The following ST7L variants were observed in gnomAD, a reference collection of about 807,000 sequenced individuals.
The protein encoded by ST7L is suppressor of tumorigenicity 7 protein-like.
A neutral mutation model predicts 72.5 loss-of-function variants in ST7L; 57 were observed. The observed-to-expected ratio is 0.79, with a 90% CI of 0.64 to 0.98. The LOEUF is 0.98. ST7L is among the 50% of genes least tolerant of loss of function. ST7L has a pLI of 0.00. For missense variants in ST7L, 576 were observed against 672.2 expected (o/e 0.86, Z 1.58); for synonymous variants, 221 against 240.9 (o/e 0.92, Z 0.77).
intron 6 of ST7L, among the ~76,000 whole-genome samples, chr1:112,585,367 A>C (rs1664711278): frequency 6.6e-6 from 1 of 152,268 alleles, no homozygotes; most frequent in African/African-American, 2.4e-5. Flanking sequence ...GTAAAAATGC[A>C]CAACGAATTT....
intron 9 of ST7L, among the ~76,000 whole-genome samples, chr1:112,579,382 A>T (rs1272527087): frequency 6.8e-3 from 6 of 888 alleles, no homozygotes; most frequent in Middle Eastern, 0.2. Flanking sequence ...AGACTCTGTA[A>T]AAAAAAAAAA....
At chr1:112,592,271 A>G (rs1430837932) in intron 5 of ST7L, among the ~76,000 whole-genome samples, 1 of 152,224 alleles carries the variant, frequency 6.6e-6, no homozygotes, top group Admixed American at 6.5e-5. Context: ...CAAATAAAGT[A>G]GACTCAGAAG....
intron 13 of ST7L, among the ~76,000 whole-genome samples, chr1:112,547,193 C>CTTTTTTTT (rs759140130): frequency 7.3e-6 from 1 of 137,524 alleles, no homozygotes. Context: ...TTCTTTCTTT[C>CTTTTTTTT]TTTTTTTTTT....
At position 112,616,831 on chromosome 1, in the gene ST7L, C is replaced by A. The variant is rs1396075393; in HGVS notation, c.270G>T (p.Leu90Phe). 2.5e-6 allele frequency: 4 copies of A among 1,603,138 alleles called. No homozygotes were observed. Among genetic ancestry groups the A allele is most frequent in the South Asian group, 1.1e-5 (1 of 88,870 alleles). ...FYVALTGTSS[L>F]ISGLIFIFEW... ...TACTTACAAATATTAGTCCTGATAT[C>A]AATGAAGAGGTCCCTGTAAGTGCCA... Residue 90 changes from leucine to phenylalanine, a missense_variant, in exon 2 of 15, where the codon TTG becomes TTT. This residue lies in a region of ST7L where 511 missense variants were observed against 600.7 expected (regional missense o/e 0.85). Transcript: ENST00000358039.
intron 3 of ST7L, among the ~76,000 whole-genome samples, chr1:112,609,185 T>A (rs1391286901): frequency 1.3e-5 from 2 of 151,728 alleles, no homozygotes; most frequent in Non-Finnish European, 2.9e-5. Context: ...TAATAATAAT[T>A]GTATTTGGCT....
At chr1:112,602,152 T>C (rs1667522268) in intron 3 of ST7L, among the ~76,000 whole-genome samples, 1 of 151,806 alleles carries the variant, frequency 6.6e-6, no homozygotes, top group African/African-American at 2.4e-5. Context: ...GACCGTTATG[T>C]ACTACAGTAA....
At chr1:112,572,141 C>A (rs1463812360) in intron 11 of ST7L, among the ~76,000 whole-genome samples, 2 of 152,192 alleles carry the variant, frequency 1.3e-5, no homozygotes, top group Non-Finnish European at 2.9e-5. Flanking sequence ...CAGTAGGTCT[C>A]AACAGTGGGC....
chr1:112,579,133 C>T (rs1415559373), intron 9 of ST7L, among the ~76,000 whole-genome samples: 1 of 151,984 alleles, frequency 6.6e-6, no homozygotes, highest in African/African-American at 2.4e-5. Flanking sequence ...GCCTGTAATC[C>T]CAGCACTTTG....
upstream of ST7L, chr1:112,619,331 T>C: frequency 3.3e-6 from 2 of 604,442 alleles, no homozygotes; most frequent in Non-Finnish European, 5.9e-6. Flanking sequence ...GCAGCGCCTA[T>C]TCTGGAGGAA....
intron 3 of ST7L, among the ~76,000 whole-genome samples, chr1:112,608,312 C>T (rs1292046069): frequency 2.0e-5 from 3 of 152,160 alleles, no homozygotes; most frequent in African/African-American, 7.2e-5. Flanking sequence ...GGCCACTGTG[C>T]CCAGCTTTTA....
intron 13 of ST7L, among the ~76,000 whole-genome samples, chr1:112,549,135 G>A (rs2101527323): frequency 1.3e-5 from 2 of 152,316 alleles, no homozygotes; most frequent in South Asian, 4.1e-4. Context: ...GTTCACGCCT[G>A]TAGGCCCAGC....
In ST7L at chr1:112,541,971, T is replaced by C. The variant is rs762371052; in HGVS notation, c.1609A>G (p.Met537Val). The change falls in exon 14 of 15, where the codon ATG (methionine) becomes GTG (valine). Residue 537 changes from methionine (M) to valine (V), a missense_variant. This residue lies in a region of ST7L where 511 missense variants were observed against 600.7 expected (regional missense o/e 0.85). Transcript: ENST00000358039. ...AILTHQFPEI[M>V]GIFAKAVLGL... ...CTTACAGCTTTAGCAAAAATACCCATGATTTCAGGAAACTGGTGAGTGAGA... is the reference window on the plus strand; with the variant it reads ...CTTACAGCTTTAGCAAAAATACCCACGATTTCAGGAAACTGGTGAGTGAGA... 3.7e-6 allele frequency: 6 copies of C among 1,613,774 alleles called. No homozygotes were observed. The highest frequency in any genetic ancestry group is 5.1e-6 in the Non-Finnish European group (6 of 1,179,906).
At chr1:112,549,778 A>T (rs1490305854) in intron 13 of ST7L, among the ~76,000 whole-genome samples, 2 of 152,086 alleles carry the variant, frequency 1.3e-5, no homozygotes, top group African/African-American at 2.4e-5. Context: ...AGTGCCTCTT[A>T]TTGCTTTTTG....
intron 3 of ST7L, chr1:112,607,261 G>A (rs1030894212): frequency 6.6e-6 from 1 of 152,128 alleles, no homozygotes; most frequent in Admixed American, 6.6e-5. Context: ...CAAGGGAAGA[G>A]ATGTTTAAGG....
intron 1 of ST7L, chr1:112,618,107 T>C (rs550823670): frequency 1.2e-4 from 156 of 1,300,666 alleles, no homozygotes; most frequent in Non-Finnish European, 1.5e-4. Flanking sequence ...AATACTTATA[T>C]CTTGTTCTGA....
chr1:112,525,981 A>G lies in ST7L; in HGVS notation c.*32T>C. 1 of 1,612,392 alleles carries G rather than the reference A, an allele frequency of 6.2e-7. No homozygotes were observed. The highest frequency in any genetic ancestry group is 8.5e-7 in the Non-Finnish European group (1 of 1,178,854). On this transcript the variant is annotated 3_prime_UTR_variant, in exon 15 of 15. Coordinates refer to ENST00000358039, the MANE Select transcript of ST7L (RefSeq NM_017744.5). ...AGATGCTGTTCAGAAAAATTTGGTG[A>G]TTTGTCCAAGGTCACATGAACAGTG... is the stretch of plus-strand genomic sequence containing the variant.
intron 11 of ST7L, among the ~76,000 whole-genome samples, chr1:112,558,592 A>G (rs1477676476): frequency 6.6e-6 from 1 of 152,202 alleles, no homozygotes; most frequent in Non-Finnish European, 1.5e-5. Context: ...TAGTCTGCTC[A>G]TCAATTTATT....
downstream of ST7L, chr1:112,522,447 T>TAA (rs1652932175): frequency 1.3e-5 from 2 of 152,248 alleles, no homozygotes; most frequent in South Asian, 2.1e-4. Flanking sequence ...TTTAGGACTA[T>TAA]AAAGTATTAA....
Position 112,577,051 on chromosome 1 carries a change from T to C in ST7L, c.1180A>G (p.Thr394Ala). Residue 394 changes from threonine to alanine, a missense_variant, in exon 11 of 15, where the codon ACA becomes GCA. By Grantham distance (58) the Thr-to-Ala change is moderately conservative (BLOSUM62 0). This residue lies in a region of ST7L where 511 missense variants were observed against 600.7 expected (regional missense o/e 0.85). Coordinates refer to ENST00000358039, the MANE Select transcript of ST7L (RefSeq NM_017744.5). ...PETASRRGLS[T>A]AEINAVEAIH... ...GCTTCCACGGCATTAATTTCTGCTG[T>C]GCTTAATCCTCTTCTGGAGGCTGTT... 2 of 1,608,868 alleles carry C rather than the reference T, an allele frequency of 1.2e-6. No individual in the cohort carries two copies. The highest frequency in any genetic ancestry group is 1.7e-6 in the Non-Finnish European group (2 of 1,176,878).
Sources: gnomAD v4.1 joint callset for allele counts (sites outside exome capture counted in the v4.1 genomes callset) on GRCh38, gnomAD v4.1.1 for gene constraint, gnomAD v4.1.1 regional missense constraint, MANE v1.5 for transcripts, NCBI Gene and HGNC (gene_info 2026-07-23, HGNC 2026-07-21) for gene names.